Variants in FAM222B observed in about 807,000 individuals in gnomAD.
FAM222B encodes the protein protein FAM222B.
In FAM222B, 12 loss-of-function variants were observed where a neutral mutation model predicts 38.0. That is an observed-to-expected ratio of 0.32 (90% confidence interval 0.20 to 0.51). The LOEUF is 0.51. Among genes scored for constraint, FAM222B ranks in the 20% least tolerant of loss-of-function variants. FAM222B has a pLI of 0.97. For synonymous variants in FAM222B, 329 were observed against 317.2 expected (o/e 1.04, Z -0.40); for missense variants, 716 against 754.2 (o/e 0.95, Z 0.59).
At chr17:28,787,409 C>G (rs1286954908) in intron 1 of FAM222B, among the ~76,000 whole-genome samples, 1 of 152,186 alleles carries the variant, frequency 6.6e-6, no homozygotes, top group Non-Finnish European at 1.5e-5. Flanking sequence ...TAACCTTTGT[C>G]AAAGGCTTCT....
intron 1 of FAM222B, among the ~76,000 whole-genome samples, chr17:28,795,623 AGTTTCACCAT>A (rs2036905410): frequency 6.6e-6 from 1 of 151,950 alleles, no homozygotes; most frequent in Non-Finnish European, 1.5e-5. Context: ...GTAGAGAAGG[AGTTTCACCAT>A]GTTTCCCAGG....
chr17:28,758,011 G>T lies in FAM222B; in HGVS notation c.*259C>A. ...GAGCTGGCTGGAAATGGCCAAGGTG[G>T]AGAGACTAGCTGACAGGCAGTCAGT... On this transcript the variant is annotated 3_prime_UTR_variant, in exon 3 of 3. Coordinates refer to ENST00000581407, the MANE Select transcript of FAM222B (RefSeq NM_001077498.3). 2.6e-6 allele frequency: 1 copy of T among 385,002 alleles called. No individual in the cohort carries two copies. The highest frequency in any genetic ancestry group is 4.7e-6 in the Non-Finnish European group (1 of 214,502). 23.8% of individuals were successfully genotyped at this position (385,002 alleles called of 1,614,324 possible).
Position 28,759,085 on chromosome 17 carries a change from T to C in FAM222B, c.874A>G (p.Ile292Val), listed in dbSNP as rs1373364044. The change falls in exon 3 of 3, where the codon ATC (isoleucine) becomes GTC (valine). Residue 292 changes from isoleucine (I) to valine (V), a missense_variant. Physicochemically the swap from Ile to Val is conservative, Grantham distance 29 (BLOSUM62 3). Transcript: ENST00000581407. This position sits in a 1 kb window ranked among gnomAD's most constrained non-coding sequence, Gnocchi z 4.8. ...ISTTSVCEGQ[I>V]ANPSPISRSL... ...CGACTAATGGGGCTGGGGTTGGCGA[T>C]CTGGCCCTCACACACTGAGGTAGTG... 1.9e-6 allele frequency: 3 copies of C among 1,611,696 alleles called. No individual in the cohort carries two copies. Among genetic ancestry groups the C allele is most frequent in the Non-Finnish European group, 2.5e-6 (3 of 1,179,050 alleles).
intron 1 of FAM222B, among the ~76,000 whole-genome samples, chr17:28,800,257 G>A (rs914843489): frequency 1.3e-5 from 2 of 152,010 alleles, no homozygotes; most frequent in East Asian, 1.9e-4. Context: ...TCGAACTCCC[G>A]ACCTCAGGTG....
intron 1 of FAM222B, among the ~76,000 whole-genome samples, chr17:28,773,898 G>A (rs866391623): frequency 6.6e-6 from 1 of 152,148 alleles, no homozygotes; most frequent in Non-Finnish European, 1.5e-5. Flanking sequence ...TTTCACTGAC[G>A]TCAAGAATCA....
At chr17:28,783,789 GTA>G (rs1028757856) in intron 1 of FAM222B, among the ~76,000 whole-genome samples, 15 of 151,014 alleles carry the variant, frequency 9.9e-5, no homozygotes, top group African/African-American at 3.4e-4. Context: ...AGGATTATAG[GTA>G]TGAGCCACTG....
chr17:28,792,511 T>G (rs1458367374), intron 1 of FAM222B, among the ~76,000 whole-genome samples: 1 of 151,424 alleles, frequency 6.6e-6, no homozygotes, highest in African/African-American at 2.4e-5. Context: ...TTGGGCGCAG[T>G]GGCTCACATC....
chr17:28,787,176 G>A (rs890818174), intron 1 of FAM222B, among the ~76,000 whole-genome samples: 5 of 151,900 alleles, frequency 3.3e-5, no homozygotes, highest in South Asian at 2.1e-4. Context: ...CACCCTCCTC[G>A]GCCTCCCAAA....
intron 1 of FAM222B, among the ~76,000 whole-genome samples, chr17:28,768,733 G>A (rs2035460752): frequency 6.6e-6 from 1 of 151,412 alleles, no homozygotes; most frequent in Non-Finnish European, 1.5e-5. Context: ...CTACTCAGGA[G>A]GCTGAGGCAG....
intron 2 of FAM222B, 27 bp downstream of exon 2, chr17:28,766,559 A>G (rs2035338107): frequency 5.1e-6 from 8 of 1,562,834 alleles, no homozygotes; most frequent in Non-Finnish European, 6.1e-6. Flanking sequence ...AGAATCACAC[A>G]TGCTCCATAG....
Position 28,758,234 on chromosome 17 carries a change from G to T in FAM222B, c.*36C>A. 6.7e-7 allele frequency: 1 copy of T among 1,481,508 alleles called. No individual in the cohort carries two copies. The highest frequency in any genetic ancestry group is 9.1e-7 in the Non-Finnish European group (1 of 1,095,808). The allele number at this position is 1,481,508 out of a possible 1,614,324, so 91.8% of individuals were successfully genotyped here. ...AAAAGACTAAACCTAGGAGGGTGAT[G>T]TATGATGTGTTGCACGTGGAGGGCA... is the stretch of plus-strand genomic sequence containing the variant. On this transcript the variant is annotated 3_prime_UTR_variant, in exon 3 of 3. Transcript: ENST00000581407.
At position 28,770,297 on chromosome 17, in the gene FAM222B, G is replaced by T. The variant is rs1265381164; in HGVS notation, c.-40-3590C>A. Among the ~76,000 whole-genome samples, 5 of 152,178 alleles carry T rather than the reference G, an allele frequency of 3.3e-5. No individual in the cohort carries two copies. In the East Asian group the frequency reaches 9.6e-4, roughly 29 times the overall value. ...AAAGGCAGATTGTTATTAATTTTTTGAGGTTGTCATTTAATCTACATATGT... is the reference window on the plus strand; with the variant it reads ...AAAGGCAGATTGTTATTAATTTTTTTAGGTTGTCATTTAATCTACATATGT... On this transcript the variant is annotated intron_variant, in intron 1 of 2. Transcript: ENST00000581407.
intron 1 of FAM222B, among the ~76,000 whole-genome samples, chr17:28,780,063 C>T (rs1363557140): frequency 2.0e-5 from 3 of 151,702 alleles, no homozygotes; most frequent in South Asian, 4.2e-4. Context: ...CTCTGCCTCC[C>T]GGGGTTCAAG....
chr17:28,767,211 C>CA (rs2151786197), intron 1 of FAM222B: 1 of 153,136 alleles, frequency 6.5e-6, no homozygotes, highest in Non-Finnish European at 1.5e-5. Flanking sequence ...GCTGGAGTGC[C>CA]ATGGTGCGAT....
At chr17:28,829,229 T>A (rs1418814305) in intron 1 of FAM222B, among the ~76,000 whole-genome samples, 1 of 146,460 alleles carries the variant, frequency 6.8e-6, no homozygotes, top group Non-Finnish European at 1.5e-5. Flanking sequence ...TTTTTTTTTT[T>A]TTGAGACGTG....
At chr17:28,767,748 TTAC>T (rs1449960334) in intron 1 of FAM222B, among the ~76,000 whole-genome samples, 1 of 152,174 alleles carries the variant, frequency 6.6e-6, no homozygotes, top group Non-Finnish European at 1.5e-5. Flanking sequence ...AGTGCTGTGA[TTAC>T]AGTCATGAGC....
intron 1 of FAM222B, among the ~76,000 whole-genome samples, chr17:28,839,929 A>C (rs1029975656): frequency 2.0e-5 from 3 of 151,602 alleles, no homozygotes; most frequent in African/African-American, 4.8e-5. Context: ...ATCTTCAAGA[A>C]TCTAGTATAG....
At chr17:28,809,209 G>C (rs976093774) in intron 1 of FAM222B, among the ~76,000 whole-genome samples, 1 of 152,150 alleles carries the variant, frequency 6.6e-6, no homozygotes, top group African/African-American at 2.4e-5. Flanking sequence ...AAATTAGCCA[G>C]GCGTGCTGGT....
intron 1 of FAM222B, among the ~76,000 whole-genome samples, chr17:28,850,550 G>A (rs978501362): frequency 2.6e-5 from 4 of 152,140 alleles, no homozygotes; most frequent in Middle Eastern, 3.4e-3. Context: ...CGCCCACCTC[G>A]GCCTCCCGAA....
Sources: allele counts gnomAD v4.1 joint callset (sites outside exome capture counted in the v4.1 genomes callset), GRCh38; gene constraint gnomAD v4.1.1; non-coding constraint Gnocchi (gnomAD v3.1); transcripts MANE v1.5; gene names NCBI Gene and HGNC (gene_info 2026-07-23, HGNC 2026-07-21).